Variants in PGM2L1 observed in about 807,000 individuals in gnomAD.
PGM2L1 encodes the protein phosphoglucomutase 2 like 1, also known as glucose 1,6-bisphosphate synthase.
Under a neutral mutation model 73.4 loss-of-function variants are expected in PGM2L1, and 35 were observed. The observed-to-expected ratio is 0.48, with a 90% CI of 0.36 to 0.63. The LOEUF (loss-of-function observed/expected upper bound fraction) is 0.63, where lower values mean the gene tolerates loss of function less well. PGM2L1 is among the 30% of genes least tolerant of loss of function. The pLI, the probability that PGM2L1 is intolerant of heterozygous loss-of-function variation, is 0.00. For missense variants in PGM2L1, 570 were observed against 742.0 expected (o/e 0.77, Z 2.69); for synonymous variants, 225 against 253.8 (o/e 0.89, Z 1.08).
intron 5 of PGM2L1, chr11:74,355,146 G>C: frequency 1.5e-6 from 2 of 1,373,280 alleles, no homozygotes; most frequent in Non-Finnish European, 2.0e-6. Context: ...CAGCCATGGT[G>C]GTGGTGGATA....
intron 1 of PGM2L1, among the ~76,000 whole-genome samples, chr11:74,385,192 T>C (rs1431310966): frequency 6.6e-6 from 1 of 152,240 alleles, no homozygotes; most frequent in Non-Finnish European, 1.5e-5. Context: ...TCATCTGTCA[T>C]TTCTAGAAGC....
chr11:74,358,205 T>C lies in PGM2L1; in HGVS notation c.556-6629A>G, dbSNP rs997144431. On this transcript the variant is annotated intron_variant, in intron 5 of 13. Transcript: ENST00000298198. Reference sequence around the variant, plus strand: ...GACATGTCAATGTAGGCTCATCATATGTACCACTCTAATGGGGGATGTTGT... The same window carrying C: ...GACATGTCAATGTAGGCTCATCATACGTACCACTCTAATGGGGGATGTTGT... 4.6e-5 allele frequency among the ~76,000 whole-genome samples: 7 copies of C among 152,342 alleles called. 1 individual carries two copies. The South Asian group carries it at 1.0e-3, about 23-fold the overall frequency.
chr11:74,356,105 G>A (rs1862450529), intron 5 of PGM2L1, among the ~76,000 whole-genome samples: 1 of 151,250 alleles, frequency 6.6e-6, no homozygotes, highest in African/African-American at 2.4e-5. Flanking sequence ...AAGCCATCTT[G>A]GTAAATTTCC....
At chr11:74,347,081 G>T in intron 7 of PGM2L1, 67 bp downstream of exon 7, 8 of 1,252,234 alleles carry the variant, frequency 6.4e-6, no homozygotes, top group Non-Finnish European at 7.5e-6. Flanking sequence ...TCTTTGAATT[G>T]TCAATGAGTT....
At chr11:74,344,035 A>G (rs1325606982) in intron 9 of PGM2L1, among the ~76,000 whole-genome samples, 2 of 151,928 alleles carry the variant, frequency 1.3e-5, no homozygotes, top group Non-Finnish European at 2.9e-5. Context: ...TCAGCCTCCC[A>G]AAGTGCTGGG....
intron 13 of PGM2L1, among the ~76,000 whole-genome samples, 165 bp from the exon 14 acceptor site, chr11:74,336,919 C>T (rs1327002969): frequency 1.3e-5 from 2 of 151,200 alleles, no homozygotes; most frequent in Non-Finnish European, 3.0e-5. Context: ...AAAAAAATTA[C>T]ACACAAAGAA....
intron 5 of PGM2L1, among the ~76,000 whole-genome samples, chr11:74,354,234 C>A (rs60155023): frequency 0.028 from 4,273 of 152,162 alleles, 115 homozygotes; most frequent in African/African-American, 0.067. Flanking sequence ...CAGCTTAAGC[C>A]ACTTTTGTTG....
chr11:74,337,428 C>A (rs4306310), intron 13 of PGM2L1, among the ~76,000 whole-genome samples: 4 of 151,972 alleles, frequency 2.6e-5, no homozygotes, highest in South Asian at 2.1e-4. Context: ...TTTATCCCCC[C>A]CAAAGGAAAT....
At chr11:74,367,236 T>A (rs890844032) in intron 5 of PGM2L1, among the ~76,000 whole-genome samples, 4 of 152,144 alleles carry the variant, frequency 2.6e-5, no homozygotes, top group African/African-American at 9.7e-5. Flanking sequence ...AGACACTAAT[T>A]TTGAGGTGTC....
chr11:74,355,705 GGCA>G (rs1005080424), intron 5 of PGM2L1: 6 of 513,640 alleles, frequency 1.2e-5, no homozygotes, highest in South Asian at 4.2e-5. Context: ...CAGTAGCTAT[GGCA>G]GCAGCAGCAG....
In PGM2L1 at chr11:74,354,938, G is replaced by A. The variant is rs1862419858; in HGVS notation, c.556-3362C>T. 3.4e-5 allele frequency: 32 copies of A among 930,936 alleles called. No individual in the cohort carries two copies. In the South Asian group the frequency reaches 4.1e-4, roughly 12 times the overall value. The allele number at this position is 930,936 out of a possible 1,614,324, so 57.7% of individuals were successfully genotyped here. Reference sequence around the variant, plus strand: ...ACTCTGTGGATAAGACTGTCATTCAGAAATACCACACTGTGAATGGCCACA... The same window carrying A: ...ACTCTGTGGATAAGACTGTCATTCAAAAATACCACACTGTGAATGGCCACA... On this transcript the variant is annotated intron_variant, in intron 5 of 13. Coordinates refer to ENST00000298198, the MANE Select transcript of PGM2L1 (RefSeq NM_173582.6).
chr11:74,382,963 G>A (rs1056322510), intron 1 of PGM2L1, among the ~76,000 whole-genome samples: 3 of 152,156 alleles, frequency 2.0e-5, no homozygotes, highest in Non-Finnish European at 2.9e-5. Flanking sequence ...CTGCTACAGA[G>A]GGACTATAAA....
chr11:74,371,031 T>C (rs1273925529), intron 3 of PGM2L1, 45 bp from the exon 4 acceptor site: 3 of 1,450,096 alleles, frequency 2.1e-6, no homozygotes, highest in African/African-American at 1.4e-5. Flanking sequence ...TACCATACTT[T>C]TTAAAAACCA....
intron 1 of PGM2L1, among the ~76,000 whole-genome samples, chr11:74,380,412 T>C (rs12420538): frequency 0.036 from 5,555 of 152,262 alleles, 112 homozygotes; most frequent in Middle Eastern, 0.092. Context: ...TTAATTTCCT[T>C]ATCTTTAAAA....
chr11:74,354,193 A>G (rs1862406025), intron 5 of PGM2L1, among the ~76,000 whole-genome samples: 1 of 151,970 alleles, frequency 6.6e-6, no homozygotes, highest in Non-Finnish European at 1.5e-5. Context: ...ACCTCTGGAC[A>G]TTTTGTTACG....
In PGM2L1 at chr11:74,398,085, T is replaced by C. The variant is rs1416498199; in HGVS notation, c.77A>G (p.Asp26Gly). The C allele has an allele frequency of 6.2e-7, 1 of 1,612,598 alleles. No homozygotes were observed. Among genetic ancestry groups the C allele is most frequent in the Admixed American group, 1.7e-5 (1 of 59,910 alleles). ...APYHTGDPQL[D>G]TAIGQWLRWD... is the part of the protein sequence containing the mutation. ...GCGGAGCCACTGCCCGATGGCCGTG[T>C]CCAGCTGAGGGTCCCCGGTGTGGTA... is the stretch of plus-strand genomic sequence containing the variant. The change falls in exon 1 of 14, where the codon GAC becomes GGC. Residue 26 changes from aspartate (D) to glycine (G), a missense_variant. Physicochemically the swap from Asp to Gly is moderately conservative, Grantham distance 94. Transcript: ENST00000298198.
intron 3 of PGM2L1, among the ~76,000 whole-genome samples, 164 bp from the exon 4 acceptor site, chr11:74,371,150 A>T (rs1409770992): frequency 6.6e-6 from 1 of 152,204 alleles, no homozygotes; most frequent in Non-Finnish European, 1.5e-5. Flanking sequence ...TAATTGGAAA[A>T]TTTTAAATAA....
Position 74,362,751 on chromosome 11 carries a change from A to C in PGM2L1, c.555+5741T>G, listed in dbSNP as rs11501744. Among the ~76,000 whole-genome samples, 606 of 152,108 alleles carry C rather than the reference A, an allele frequency of 4.0e-3. 6 individuals are homozygous for C. The highest frequency in any genetic ancestry group is 0.014 in the African/African-American group (573 of 41,522). ...AAGGCAGGGGTTGCAATCCTTAGAG[A>C]TCTACAAAGAGACTTAGATTCCCAC... is the stretch of plus-strand genomic sequence containing the variant. On this transcript the variant is annotated intron_variant, in intron 5 of 13. Coordinates refer to ENST00000298198, the MANE Select transcript of PGM2L1 (RefSeq NM_173582.6).
intron 5 of PGM2L1, among the ~76,000 whole-genome samples, chr11:74,359,580 T>TAC (rs951215701): frequency 7.2e-6 from 1 of 139,004 alleles, no homozygotes; most frequent in African/African-American, 2.6e-5. Context: ...TATATATATA[T>TAC]ACACATACAT....
Sources: allele counts gnomAD v4.1 joint callset (sites outside exome capture counted in the v4.1 genomes callset), GRCh38; gene constraint gnomAD v4.1.1; transcripts MANE v1.5; gene names NCBI Gene and HGNC (gene_info 2026-07-23, HGNC 2026-07-21).